REV1: variants seen among roughly 807,000 people sequenced by gnomAD.
The protein encoded by REV1 is REV1 DNA directed polymerase.
Under a neutral mutation model 137.4 loss-of-function variants are expected in REV1, and 42 were observed. That is an observed-to-expected ratio of 0.31 (90% CI 0.24 to 0.40). The LOEUF is 0.40. REV1 is among the 10% of genes least tolerant of loss of function. The pLI is 1.00. For synonymous variants in REV1, 524 were observed against 519.2 expected (o/e 1.01, Z -0.12); for missense variants, 1,282 against 1,490.1 (o/e 0.86, Z 2.30).
At position 99,412,755 on chromosome 2, in the gene REV1, G is replaced by T; in HGVS notation, c.2148C>A (p.Ile716=). Residue 716 remains isoleucine (I), a synonymous_variant, in exon 13 of 23, where the codon ATC becomes ATA. Transcript: ENST00000258428. ...CCTGAGTAAACCTTATTCCATAGTT[G>T]ATCTCAGCTGAAACAGATTTTCTTT... ...EKERKSVSAE[I]NYGIRFTQPK... 1.2e-6 allele frequency: 2 copies of T among 1,613,744 alleles called. No homozygotes were observed. Among genetic ancestry groups the T allele is most frequent in the Non-Finnish European group, 1.7e-6 (2 of 1,179,674 alleles).
In REV1 at chr2:99,476,591, T is replaced by C. The variant is rs532267938; in HGVS notation, c.-10-11606A>G. Among the ~76,000 whole-genome samples the C allele has an allele frequency of 1.5e-3, 227 of 152,114 alleles. 3 individuals carry two copies. Among genetic ancestry groups the C allele is most frequent in the African/African-American group, 5.4e-3 (223 of 41,480 alleles). ...AATAATAATAATAATGTCCACCCTG[T>C]TAAGTGCTTTTGTTTACCTGGGGGC... On this transcript the variant is annotated intron_variant, in intron 1 of 22. Coordinates refer to ENST00000258428, the MANE Select transcript of REV1 (RefSeq NM_016316.4).
Position 99,401,057 on chromosome 2 carries a change from AAC to A in REV1, c.*182_*183del, listed in dbSNP as rs1675319587. ...GAATCTATGCTACAGTAAAATAATT[AAC>A]ACAATTATTTACATGCAATACTGAC... is the stretch of plus-strand genomic sequence containing the variant. On this transcript the variant is annotated 3_prime_UTR_variant, in exon 23 of 23. Transcript: ENST00000258428. 2.3e-6 allele frequency: 1 copy of A among 428,878 alleles called. No individual in the cohort carries two copies. Among genetic ancestry groups the A allele is most frequent in the Non-Finnish European group, 4.2e-6 (1 of 238,362 alleles). The allele number at this position is 428,878 out of a possible 1,614,324, so 26.6% of individuals were successfully genotyped here.
intron 1 of REV1, among the ~76,000 whole-genome samples, chr2:99,486,895 A>C (rs1189921798): frequency 7.0e-6 from 1 of 143,432 alleles, no homozygotes; most frequent in African/African-American, 2.6e-5. Context: ...AAACAAGTCT[A>C]AGGGGGGAAA....
At position 99,420,339 on chromosome 2, in the gene REV1, C is replaced by T. The variant is rs572492219; in HGVS notation, c.1831+1160G>A. Among the ~76,000 whole-genome samples, 511 of 152,318 alleles carry T rather than the reference C, an allele frequency of 3.4e-3. 3 individuals are homozygous for T. Among genetic ancestry groups the T allele is most frequent in the African/African-American group, 0.011 (442 of 41,562 alleles). ...ACAGTAAACCTCTTACCTGGAAGCACACTTGTCATATGCAACCTAACCACC... is the reference window on the plus strand; with the variant it reads ...ACAGTAAACCTCTTACCTGGAAGCATACTTGTCATATGCAACCTAACCACC... On this transcript the variant is annotated intron_variant, in intron 11 of 22. Coordinates refer to ENST00000258428, the MANE Select transcript of REV1 (RefSeq NM_016316.4).
chr2:99,479,233 A>C (rs1686316360), intron 1 of REV1, among the ~76,000 whole-genome samples: 1 of 151,150 alleles, frequency 6.6e-6, no homozygotes, highest in African/African-American at 2.4e-5. Flanking sequence ...GGGCTGAGGC[A>C]GAAGAACTGC....
chr2:99,460,550 CA>C (rs1684066341), intron 3 of REV1, among the ~76,000 whole-genome samples: 1 of 152,112 alleles, frequency 6.6e-6, no homozygotes, highest in South Asian at 2.1e-4. Flanking sequence ...AAATCAAAAA[CA>C]AAATAGCACC....
At chr2:99,430,096 A>C (rs1429445140) in intron 8 of REV1, 148 bp from the exon 9 acceptor site, 2 of 464,522 alleles carry the variant, frequency 4.3e-6, no homozygotes, top group African/African-American at 4.1e-5. Flanking sequence ...CTCCTTATCT[A>C]ATAAAAGAAA....
At chr2:99,411,453 C>T (rs1364157373) in intron 13 of REV1, among the ~76,000 whole-genome samples, 6 of 149,242 alleles carry the variant, frequency 4.0e-5, no homozygotes, top group African/African-American at 1.5e-4. Context: ...GTCCCCCAGG[C>T]TGAAGTGCAA....
At chr2:99,467,509 T>C (rs1469161899) in intron 1 of REV1, among the ~76,000 whole-genome samples, 1 of 152,164 alleles carries the variant, frequency 6.6e-6, no homozygotes, top group East Asian at 1.9e-4. Flanking sequence ...ACCCCACCTC[T>C]CTTCCCCAAA....
chr2:99,448,956 T>C (rs866672546), intron 4 of REV1, among the ~76,000 whole-genome samples: 1 of 152,220 alleles, frequency 6.6e-6, no homozygotes, highest in Admixed American at 6.5e-5. Flanking sequence ...TTTTTCACCC[T>C]GTCAATCAGG....
chr2:99,431,678 C>A (rs945961114), intron 8 of REV1: 11 of 956,648 alleles, frequency 1.1e-5, no homozygotes, highest in African/African-American at 3.5e-5. Flanking sequence ...GTGGTCCATG[C>A]GCCCCCAGTG....
At chr2:99,404,140 T>C (rs1675912518) in intron 18 of REV1, among the ~76,000 whole-genome samples, 1 of 152,316 alleles carries the variant, frequency 6.6e-6, no homozygotes, top group South Asian at 2.1e-4. Context: ...CATGCAGGAT[T>C]ATACATCTCC....
chr2:99,466,858 A>C (rs968557699), intron 1 of REV1, among the ~76,000 whole-genome samples: 4 of 152,174 alleles, frequency 2.6e-5, no homozygotes, highest in African/African-American at 9.7e-5. Context: ...GAAGTACCAC[A>C]TGCTCTGTTA....
chr2:99,461,373 C>T (rs1480033125), intron 3 of REV1, among the ~76,000 whole-genome samples: 2 of 152,186 alleles, frequency 1.3e-5, no homozygotes, highest in Non-Finnish European at 2.9e-5. Context: ...AGCTCTTGTC[C>T]AGTAAACAGA....
intron 4 of REV1, among the ~76,000 whole-genome samples, chr2:99,445,783 C>T (rs1213713497): frequency 6.6e-6 from 1 of 152,082 alleles, no homozygotes; most frequent in Non-Finnish European, 1.5e-5. Flanking sequence ...GATTCCCTTG[C>T]CTCTTCAAAG....
intron 1 of REV1, among the ~76,000 whole-genome samples, chr2:99,489,295 A>C (rs1007540517): frequency 1.1e-4 from 16 of 152,108 alleles, no homozygotes; most frequent in African/African-American, 3.9e-4. Flanking sequence ...GTGCGGAAAA[A>C]CGCTGTGGCT....
In REV1 at chr2:99,403,718, T is replaced by C; in HGVS notation, c.3143A>G (p.His1048Arg). ...QRQRQGENST[H>R]QQSASASVPK... Reference sequence around the variant, plus strand: ...ACCAGATGCGCTGGCTGACTGCTGGTGAGTGCTGTTCTCGCCCTGCCTTTG... The same window carrying C: ...ACCAGATGCGCTGGCTGACTGCTGGCGAGTGCTGTTCTCGCCCTGCCTTTG... Residue 1048 changes from histidine (H) to arginine (R), a missense_variant, in exon 19 of 23, where the codon CAC becomes CGC. By Grantham distance (29) the His-to-Arg change is conservative. Around this residue, in one of 7 missense-constraint regions of REV1, gnomAD observed 170 missense variants for 156.8 expected, o/e 1.08. Transcript: ENST00000258428. The C allele has an allele frequency of 1.2e-6, 2 of 1,614,208 alleles. No individual in the cohort carries two copies. The highest frequency in any genetic ancestry group is 1.7e-6 in the Non-Finnish European group (2 of 1,180,034).
rs750211082 is a variant in REV1, at chr2:99,401,195, C to G, written c.*46G>C. ...ATGCACTTTGCAAATACCTCACAAG[C>G]ACTTATGGCACAGCTATCAGAGAGC... On this transcript the variant is annotated 3_prime_UTR_variant, in exon 23 of 23. Transcript: ENST00000258428. The G allele has an allele frequency of 8.5e-7, 1 of 1,174,154 alleles. No homozygotes were observed. Among genetic ancestry groups the G allele is most frequent in the South Asian group, 1.2e-5 (1 of 81,028 alleles). 72.7% of individuals were successfully genotyped at this position (1,174,154 alleles called of 1,614,324 possible).
At chr2:99,454,375 A>G (rs1683279184) in intron 3 of REV1, among the ~76,000 whole-genome samples, 1 of 150,886 alleles carries the variant, frequency 6.6e-6, no homozygotes, top group African/African-American at 2.4e-5. Flanking sequence ...ACATGGAGAA[A>G]CCCCGTCACT....
Sources: allele counts gnomAD v4.1 joint callset (sites outside exome capture counted in the v4.1 genomes callset), GRCh38; gene constraint gnomAD v4.1.1; regional missense constraint gnomAD v4.1.1; transcripts MANE v1.5; gene names NCBI Gene and HGNC (gene_info 2026-07-23, HGNC 2026-07-21).